The following RANBP2 variants were observed in gnomAD, a reference collection of about 807,000 sequenced individuals.
RANBP2 encodes E3 SUMO-protein ligase RanBP2.
A neutral mutation model predicts 303.6 loss-of-function variants in RANBP2; 57 were observed. The observed-to-expected ratio is 0.19, with a 90% CI of 0.15 to 0.23. RANBP2 has a LOEUF of 0.23. Among genes scored for constraint, RANBP2 ranks in the 10% least tolerant of loss-of-function variants. The pLI, the probability that RANBP2 is intolerant of heterozygous loss-of-function variation, is 1.00. For missense variants in RANBP2, 3,138 were observed against 3,780.8 expected, an observed-to-expected ratio of 0.83 and a Z score of 4.46; for synonymous variants, 1,167 against 1,301.5, an observed-to-expected ratio of 0.90 and a Z score of 2.23.
At chr2:108,820,395 A>G in the RANBP2 span, among the ~76,000 whole-genome samples, 1 of 152,144 alleles carries the variant, frequency 6.6e-6, no homozygotes, top group Admixed American at 6.6e-5. Context: ...AGAGAAGGAG[A>G]AGGAGGAGAG....
the RANBP2 span, among the ~76,000 whole-genome samples, chr2:109,622,181 C>A: frequency 2.6e-5 from 4 of 152,150 alleles, no homozygotes; most frequent in Non-Finnish European, 4.4e-5. Context: ...TACCTCACTT[C>A]TACTGATGGA....
the RANBP2 span, among the ~76,000 whole-genome samples, chr2:109,686,739 G>A: frequency 6.6e-6 from 1 of 152,190 alleles, no homozygotes; most frequent in Admixed American, 6.5e-5. Flanking sequence ...AGCCTCCTGA[G>A]TAGCTGGGAC....
intron 1 of RANBP2, among the ~76,000 whole-genome samples, chr2:108,720,909 C>T (rs1466252480): frequency 1.3e-5 from 2 of 152,004 alleles, no homozygotes; most frequent in Non-Finnish European, 1.5e-5. Flanking sequence ...GTTAGCCGGG[C>T]GTGGTGGCGC....
At chr2:108,927,604 C>T in the RANBP2 span, among the ~76,000 whole-genome samples, 1 of 152,088 alleles carries the variant, frequency 6.6e-6, no homozygotes, top group Non-Finnish European at 1.5e-5. Flanking sequence ...CCGTGGTGCA[C>T]CCACCCTCTC....
chr2:109,437,282 T>A, the RANBP2 span: 1 of 1,375,340 alleles, frequency 7.3e-7, no homozygotes, highest in Non-Finnish European at 9.7e-7. Context: ...CTGGAGAAAC[T>A]TAAGGAAAAC....
At chr2:109,062,150 T>C in the RANBP2 span, among the ~76,000 whole-genome samples, 5 of 148,500 alleles carry the variant, frequency 3.4e-5, no homozygotes, top group African/African-American at 1.2e-4. Context: ...AGCCTTTCAC[T>C]TTGGATAAAA....
chr2:109,514,290 G>A, the RANBP2 span, among the ~76,000 whole-genome samples: 3 of 152,138 alleles, frequency 2.0e-5, no homozygotes, highest in African/African-American at 7.2e-5. Context: ...TGGTAAATAC[G>A]GAGTTTCTGC....
At chr2:109,075,689 G>A in the RANBP2 span, among the ~76,000 whole-genome samples, 1 of 149,420 alleles carries the variant, frequency 6.7e-6, no homozygotes, top group Non-Finnish European at 1.5e-5. Context: ...AGACCATTAT[G>A]AACAATTATA....
At chr2:109,467,248 CTGA>C in the RANBP2 span, among the ~76,000 whole-genome samples, 1 of 152,258 alleles carries the variant, frequency 6.6e-6, no homozygotes, top group African/African-American at 2.4e-5. Flanking sequence ...TGCCAATCAG[CTGA>C]TGAATGCATG....
chr2:109,263,555 G>A, the RANBP2 span, among the ~76,000 whole-genome samples: 4 of 152,222 alleles, frequency 2.6e-5, no homozygotes, highest in Admixed American at 2.6e-4. Flanking sequence ...TTCCTGGGGA[G>A]CCAGGTAGAG....
the RANBP2 span, among the ~76,000 whole-genome samples, chr2:109,219,856 T>C: frequency 6.6e-6 from 1 of 152,184 alleles, no homozygotes; most frequent in African/African-American, 2.4e-5. Context: ...CTACTCAAAG[T>C]GATCTACAGA....
the RANBP2 span, among the ~76,000 whole-genome samples, chr2:109,603,892 T>G: frequency 6.6e-6 from 1 of 152,036 alleles, no homozygotes; most frequent in South Asian, 2.1e-4. Context: ...CCGGGCACGG[T>G]GGCTCACACC....
chr2:109,722,579 T>C, the RANBP2 span, among the ~76,000 whole-genome samples: 1 of 152,186 alleles, frequency 6.6e-6, no homozygotes, highest in Non-Finnish European at 1.5e-5. Flanking sequence ...GATCAACCCA[T>C]CACCTAGGTG....
chr2:109,261,178 A>T, the RANBP2 span, among the ~76,000 whole-genome samples: 1 of 152,136 alleles, frequency 6.6e-6, no homozygotes, highest in East Asian at 1.9e-4. Context: ...TGGCTCTGTC[A>T]CACAGGTATG....
chr2:109,576,003 TCCTAGTTGTTTGGGAGACCAAGGCAGGAG>T, the RANBP2 span, among the ~76,000 whole-genome samples: 2 of 152,142 alleles, frequency 1.3e-5, no homozygotes, highest in East Asian at 3.9e-4. Context: ...ACATCTGTAA[TCCTAGTTGTTTGGGAGACCAAGGCAGGAG>T]GATCACTTGA....
At chr2:109,036,750 G>A in the RANBP2 span, among the ~76,000 whole-genome samples, 1 of 152,188 alleles carries the variant, frequency 6.6e-6, no homozygotes, top group African/African-American at 2.4e-5. Flanking sequence ...GCTCATGCCT[G>A]TAGTCCCAAC....
the RANBP2 span, among the ~76,000 whole-genome samples, chr2:109,215,091 G>T: frequency 6.6e-6 from 1 of 152,202 alleles, no homozygotes; most frequent in Non-Finnish European, 1.5e-5. Flanking sequence ...ACCTTCAGTG[G>T]GACGACTAAC....
the RANBP2 span, among the ~76,000 whole-genome samples, chr2:108,819,868 GA>G: frequency 0.64 from 96,978 of 151,998 alleles, 34,517 homozygotes; most frequent in East Asian, 0.92. Context: ...GCAGATCTCT[GA>G]ACTTTGTGAT....
Position 108,766,369 on chromosome 2 carries a change from A to C in RANBP2, c.5830A>C (p.Thr1944Pro), listed in dbSNP as rs148406549. ...TGTGATTTTTGGCCAAACAAGTAGC[A>C]CTTTTACATTTGCAGATCTTGCAAA... ...RGVIFGQTSS[T>P]FTFADLAKST... The change falls in exon 20 of 29, where the codon ACT becomes CCT. Residue 1944 changes from threonine (T) to proline (P), a missense_variant. This residue lies in a region of RANBP2 where 348 missense variants were observed against 360.4 expected (regional missense o/e 0.97). Transcript: ENST00000283195. 6.2e-7 allele frequency: 1 copy of C among 1,611,904 alleles called. No individual in the cohort carries two copies. The highest frequency in any genetic ancestry group is 1.3e-5 in the African/African-American group (1 of 74,844).
Sources: gnomAD v4.1 joint callset for allele counts (sites outside exome capture counted in the v4.1 genomes callset) on GRCh38, gnomAD v4.1.1 for gene constraint, gnomAD v4.1.1 regional missense constraint, MANE v1.5 for transcripts, NCBI Gene and HGNC (gene_info 2026-07-23, HGNC 2026-07-21) for gene names.